Variants in KCNG2 observed in about 807,000 individuals in gnomAD.
KCNG2 encodes the protein potassium voltage-gated channel modifier subfamily G member 2.
In KCNG2, 7 loss-of-function variants were observed where a neutral mutation model predicts 12.3. That is an observed-to-expected ratio of 0.57 (90% confidence interval 0.32 to 1.07). The LOEUF is 1.07. Ranked by LOEUF, KCNG2 falls within the 50% of genes least tolerant of loss-of-function variation. The pLI, the probability that KCNG2 is intolerant of heterozygous loss-of-function variation, is 0.04. For missense variants in KCNG2, 703 were observed against 726.0 expected (o/e 0.97, Z 0.36); for synonymous variants, 414 against 351.4 (o/e 1.18, Z -1.99).
chr18:79,810,597 G>A (rs2087487212), intron 1 of KCNG2, among the ~76,000 whole-genome samples: 1 of 150,958 alleles, frequency 6.6e-6, no homozygotes, highest in Non-Finnish European at 1.5e-5. Flanking sequence ...GCAAGACCCT[G>A]TCTCTAAAAA....
intron 1 of KCNG2, among the ~76,000 whole-genome samples, chr18:79,834,260 C>T (rs979275118): frequency 6.6e-6 from 1 of 152,206 alleles, no homozygotes; most frequent in Non-Finnish European, 1.5e-5. Flanking sequence ...ACGTCCTGTC[C>T]TCCGACGTGG....
chr18:79,879,128 C>T (rs776087823), intron 3 of KCNG2, among the ~76,000 whole-genome samples: 47 of 152,366 alleles, frequency 3.1e-4, no homozygotes, highest in Non-Finnish European at 3.8e-4. Flanking sequence ...CCATAGACCC[C>T]TCCCTGCCTA....
At chr18:79,897,275 ATTC>A (rs752777717) in intron 3 of KCNG2, among the ~76,000 whole-genome samples, 6 of 151,542 alleles carry the variant, frequency 4.0e-5, no homozygotes, top group Non-Finnish European at 5.9e-5. Flanking sequence ...TTTTCTCTCT[ATTC>A]TTCAGCATAA....
chr18:79,887,976 G>T (rs1980593778), intron 3 of KCNG2, among the ~76,000 whole-genome samples: 2 of 152,188 alleles, frequency 1.3e-5, no homozygotes, highest in South Asian at 4.1e-4. Flanking sequence ...CAGGGTAATA[G>T]CCTTGGAGAC....
At position 79,899,745 on chromosome 18, in the gene KCNG2, T is replaced by TCGC; in HGVS notation, c.1331_1333dup (p.Ser444_Gln445insPro). ...CTCGGCCACAGCCACCGAGGACAGC[T>TCGC]CGCAGGGCCCCGACAGCGCGGGCCT... On this transcript the variant is annotated inframe_insertion, in exon 4 of 4. Coordinates refer to ENST00000316249, the MANE Select transcript of KCNG2 (RefSeq NM_012283.2). The TCGC allele has an allele frequency of 6.3e-7, 1 of 1,588,330 alleles. No individual in the cohort carries two copies. The highest frequency in any genetic ancestry group is 8.5e-7 in the Non-Finnish European group (1 of 1,171,844).
intron 1 of KCNG2, among the ~76,000 whole-genome samples, chr18:79,852,666 C>T (rs1978865829): frequency 6.6e-6 from 1 of 152,268 alleles, no homozygotes; most frequent in Non-Finnish European, 1.5e-5. Flanking sequence ...CCAGCGCCTG[C>T]ACCTGGGCGT....
rs1194082093 is a variant in KCNG2, at chr18:79,864,152, G to A, written c.485G>A (p.Arg162His). 2.4e-5 allele frequency: 34 copies of A among 1,436,966 alleles called. No individual in the cohort carries two copies. The highest frequency in any genetic ancestry group is 2.9e-5 in the Non-Finnish European group (32 of 1,098,274). 89.0% of individuals were successfully genotyped at this position (1,436,966 alleles called of 1,614,324 possible). Residue 162 changes from arginine to histidine, a missense_variant, in exon 3 of 4, where the codon CGC (arginine) becomes CAC (histidine). Physicochemically the swap from Arg to His is conservative, Grantham distance 29. Transcript: ENST00000316249. ...GGGCGGCTGCAGCGCGGCCGGCGGC[G>A]CCTGCGCGACGTGGTGGACAACCCG... is the stretch of plus-strand genomic sequence containing the variant. Reference protein sequence around the residue: ...PRGRLQRGRRRLRDVVDNPHS... With the variant: ...PRGRLQRGRRHLRDVVDNPHS...
intron 3 of KCNG2, among the ~76,000 whole-genome samples, chr18:79,869,886 A>G (rs1979761502): frequency 6.6e-6 from 1 of 152,188 alleles, no homozygotes; most frequent in Non-Finnish European, 1.5e-5. Context: ...CGCCGCCACC[A>G]CCACGCGGGA....
intron 1 of KCNG2, among the ~76,000 whole-genome samples, chr18:79,847,420 A>G (rs1182351477): frequency 6.6e-6 from 1 of 152,190 alleles, no homozygotes; most frequent in Non-Finnish European, 1.5e-5. Flanking sequence ...GTGGGAACTG[A>G]GGGTCGCAGT....
intron 1 of KCNG2, among the ~76,000 whole-genome samples, chr18:79,810,094 G>C (rs2087483344): frequency 6.6e-6 from 1 of 152,364 alleles, no homozygotes; most frequent in East Asian, 1.9e-4. Flanking sequence ...GCATCCCTCA[G>C]AACCTGTGTC....
chr18:79,855,682 G>C (rs528025309), intron 1 of KCNG2, among the ~76,000 whole-genome samples: 1 of 151,910 alleles, frequency 6.6e-6, no homozygotes, highest in Non-Finnish European at 1.5e-5. Flanking sequence ...ATCACCCTCC[G>C]TGGAGGGGAC....
chr18:79,862,538 G>A lies in KCNG2; in HGVS notation c.-40-1090G>A, dbSNP rs72618583. Among the ~76,000 whole-genome samples, 664 of 152,338 alleles carry A rather than the reference G, an allele frequency of 4.4e-3. 13 individuals carry two copies. In the East Asian group the frequency reaches 0.068, roughly 16 times the overall value. On this transcript the variant is annotated intron_variant, in intron 2 of 3. Transcript: ENST00000316249. ...CAGAATCTGAAGGTCAGCCCGAGGAGGCACTTCAGGGACTTCTCGGGTTTT... is the reference window on the plus strand; with the variant it reads ...CAGAATCTGAAGGTCAGCCCGAGGAAGCACTTCAGGGACTTCTCGGGTTTT...
In KCNG2 at chr18:79,797,996, C is replaced by G. The variant is rs1484290800; in HGVS notation, c.-133C>G. On this transcript the variant is annotated 5_prime_UTR_variant, in exon 1 of 4. Coordinates refer to ENST00000316249, the MANE Select transcript of KCNG2 (RefSeq NM_012283.2). ...GGCCGGGTAAGCGGAGCCCGGAGCT[C>G]GCGGAGTCTGGACCGCAGGTAAAGT... 6.7e-6 allele frequency among the ~76,000 whole-genome samples: 1 copy of G among 149,210 alleles called. No individual in the cohort carries two copies. Among genetic ancestry groups the G allele is most frequent in the Admixed American group, 6.7e-5 (1 of 15,034 alleles).
At position 79,863,884 on chromosome 18, in the gene KCNG2, C is replaced by T; in HGVS notation, c.217C>T (p.Arg73Cys). 6.8e-7 allele frequency: 1 copy of T among 1,473,968 alleles called. No homozygotes were observed. The allele number at this position is 1,473,968 out of a possible 1,614,324, so 91.3% of individuals were successfully genotyped here. A position where few individuals can be genotyped will look rare whatever the true frequency, so the allele number is the denominator to read the frequency against. The change falls in exon 3 of 4, where the codon CGC (arginine) becomes TGC (cysteine). Residue 73 changes from arginine to cysteine, a missense_variant. By Grantham distance (180) the Arg-to-Cys change is radical. Transcript: ENST00000316249. ...GAGCCGCGACGAGTTCTTCTTCGACCGCAGCCCGTGCGCCTTCCGCGCCAT... is the reference window on the plus strand; with the variant it reads ...GAGCCGCGACGAGTTCTTCTTCGACTGCAGCCCGTGCGCCTTCCGCGCCAT... Reference protein sequence around the residue: ...DVSRDEFFFDRSPCAFRAIVA... With the variant: ...DVSRDEFFFDCSPCAFRAIVA...
At chr18:79,799,961 G>A (rs1401903221) in intron 1 of KCNG2, among the ~76,000 whole-genome samples, 1 of 152,192 alleles carries the variant, frequency 6.6e-6, no homozygotes, top group Non-Finnish European at 1.5e-5. Context: ...GTTTTGCCCT[G>A]GTGAAAAGCA....
chr18:79,867,154 T>TGCTG (rs1979623212), intron 3 of KCNG2, among the ~76,000 whole-genome samples: 9 of 102,398 alleles, frequency 8.8e-5, no homozygotes, highest in South Asian at 4.1e-4. Flanking sequence ...GAGGTCTGGG[T>TGCTG]ACCGAGGTCT....
chr18:79,798,568 T>A (rs1482807102), intron 1 of KCNG2, among the ~76,000 whole-genome samples: 1 of 152,024 alleles, frequency 6.6e-6, no homozygotes, highest in Admixed American at 6.5e-5. Flanking sequence ...AACGCCCCAC[T>A]CCCGCTCGGA....
At position 79,800,823 on chromosome 18, in the gene KCNG2, G is replaced by A. The variant is rs568207254; in HGVS notation, c.-115+2809G>A. Among the ~76,000 whole-genome samples the A allele has an allele frequency of 5.3e-5, 8 of 152,368 alleles. No individual in the cohort carries two copies. The highest frequency in any genetic ancestry group is 2.6e-4 in the Admixed American group (4 of 15,312). On this transcript the variant is annotated intron_variant, in intron 1 of 3. Transcript: ENST00000316249. The surrounding 1 kb of genome is among the most constrained non-coding windows in gnomAD (Gnocchi z 4.0). ...ACAGGTCTGCTTGGGGAACCACAGCGAGGGGCACCCGAAGCAAATGTCAAG... is the reference window on the plus strand; with the variant it reads ...ACAGGTCTGCTTGGGGAACCACAGCAAGGGGCACCCGAAGCAAATGTCAAG...
At position 79,831,654 on chromosome 18, in the gene KCNG2, G is replaced by A. The variant is rs1347472733; in HGVS notation, c.-114-24725G>A. ...AGCCTTCGTCAGGAGCGTGCCCTGC[G>A]GACAGAGCCTTCGTCAGGAGGGTTC... On this transcript the variant is annotated intron_variant, in intron 1 of 3. Transcript: ENST00000316249. 1.2e-4 allele frequency among the ~76,000 whole-genome samples: 14 copies of A among 114,394 alleles called. 2 individuals are homozygous for A. In the East Asian group the frequency reaches 2.3e-3, roughly 19 times the overall value. 75.0% of individuals were successfully genotyped at this position (114,394 alleles called of 152,430 possible). A position where few individuals can be genotyped will look rare whatever the true frequency, so the allele number is the denominator to read the frequency against.
Sources: gnomAD v4.1 joint callset for allele counts (sites outside exome capture counted in the v4.1 genomes callset) on GRCh38, gnomAD v4.1.1 for gene constraint, Gnocchi (gnomAD v3.1) non-coding constraint, MANE v1.5 for transcripts, NCBI Gene and HGNC (gene_info 2026-07-23, HGNC 2026-07-21) for gene names.